PDE4D: variants seen among roughly 807,000 people sequenced by gnomAD.
PDE4D encodes phosphodiesterase 4D.
In PDE4D, 24 loss-of-function variants were observed where a neutral mutation model predicts 87.4. That is an observed-to-expected ratio of 0.27 (90% CI 0.20 to 0.39). The LOEUF is 0.39. Among genes scored for constraint, PDE4D ranks in the 10% least tolerant of loss-of-function variants. PDE4D has a pLI of 1.00. For synonymous variants in PDE4D, 384 were observed against 383.2 expected (o/e 1.00, Z -0.02); for missense variants, 714 against 1,041.0 (o/e 0.69, Z 4.32).
At chr5:59,787,812 C>A (rs770773025) in intron 1 of PDE4D, among the ~76,000 whole-genome samples, 1 of 152,146 alleles carries the variant, frequency 6.6e-6, no homozygotes, top group Non-Finnish European at 1.5e-5. Context: ...CTCACTACAA[C>A]GACCTTAGAG....
intron 1 of PDE4D, among the ~76,000 whole-genome samples, chr5:60,432,557 T>G (rs574518765): frequency 8.1e-4 from 123 of 152,164 alleles, no homozygotes; most frequent in Non-Finnish European, 1.6e-3. Flanking sequence ...ATGATATTCT[T>G]TACAGAACTA....
intron 1 of PDE4D, among the ~76,000 whole-genome samples, chr5:59,642,920 A>G (rs962306309): frequency 6.6e-6 from 1 of 152,198 alleles, no homozygotes. Flanking sequence ...ATAACAAAAA[A>G]TTACTTAAAT....
chr5:59,050,192 G>A (rs1281773932), intron 5 of PDE4D, among the ~76,000 whole-genome samples: 16 of 152,076 alleles, frequency 1.1e-4, no homozygotes, highest in African/African-American at 2.9e-4. Flanking sequence ...ACTTGAACCC[G>A]GGAGGCGGAG....
intron 5 of PDE4D, among the ~76,000 whole-genome samples, chr5:59,105,210 G>T (rs1771399377): frequency 6.6e-6 from 1 of 152,280 alleles, no homozygotes; most frequent in African/African-American, 2.4e-5. Flanking sequence ...GAACTGCTGG[G>T]TCTATTATGA....
chr5:59,044,491 T>C (rs1383153847), intron 5 of PDE4D, among the ~76,000 whole-genome samples: 1 of 152,234 alleles, frequency 6.6e-6, no homozygotes, highest in Non-Finnish European at 1.5e-5. Flanking sequence ...GAAAAAATGA[T>C]TTCTGTTTCA....
At chr5:59,459,262 A>G (rs913505398) in intron 1 of PDE4D, among the ~76,000 whole-genome samples, 1 of 152,192 alleles carries the variant, frequency 6.6e-6, no homozygotes, top group Non-Finnish European at 1.5e-5. Context: ...TTAATTTTTA[A>G]AAGTATTCAT....
intron 1 of PDE4D, among the ~76,000 whole-genome samples, chr5:60,502,061 A>T (rs1750105538): frequency 6.6e-6 from 1 of 151,836 alleles, no homozygotes; most frequent in African/African-American, 2.4e-5. Flanking sequence ...GGTGTTTTAG[A>T]CATGAAGTCC....
At chr5:60,464,162 G>A (rs554438574) in intron 1 of PDE4D, among the ~76,000 whole-genome samples, 3 of 152,216 alleles carry the variant, frequency 2.0e-5, no homozygotes, top group African/African-American at 4.8e-5. Flanking sequence ...TAATTTTTCT[G>A]TTTGTGAAAA....
intron 2 of PDE4D, among the ~76,000 whole-genome samples, chr5:60,067,218 C>G (rs1582480816): frequency 6.6e-6 from 1 of 152,006 alleles, no homozygotes; most frequent in African/African-American, 2.4e-5. Flanking sequence ...AATTTGTCCT[C>G]TCCCCTAAAG....
chr5:59,738,375 C>A (rs187175250), intron 1 of PDE4D, among the ~76,000 whole-genome samples: 9 of 152,102 alleles, frequency 5.9e-5, no homozygotes, highest in Admixed American at 5.9e-4. Flanking sequence ...ATGAATAGGA[C>A]AGAGAAAAGT....
At chr5:60,503,321 C>G (rs1750182545) in intron 1 of PDE4D, among the ~76,000 whole-genome samples, 1 of 152,098 alleles carries the variant, frequency 6.6e-6, no homozygotes, top group East Asian at 1.9e-4. Context: ...GGATATTCTA[C>G]TCACTACAAG....
Position 60,069,620 on chromosome 5 carries a change from G to C in PDE4D, c.43-80903C>G, listed in dbSNP as rs547284315. On this transcript the variant is annotated intron_variant, in intron 2 of 16. Transcript: ENST00000502484. ...AACATATCTAGAGATCAGGAAATGT[G>C]ATGTCTCTAGCTTTATTCTTTTTTT... Among the ~76,000 whole-genome samples, 10 of 151,936 alleles carry C rather than the reference G, an allele frequency of 6.6e-5. No individual in the cohort carries two copies. In the South Asian group the frequency reaches 2.1e-3, roughly 32 times the overall value.
intron 1 of PDE4D, among the ~76,000 whole-genome samples, chr5:59,448,472 A>T (rs1311776815): frequency 6.6e-6 from 1 of 152,232 alleles, no homozygotes; most frequent in Admixed American, 6.5e-5. Flanking sequence ...TATTACTTCA[A>T]GTATCATTAT....
chr5:60,176,894 C>T (rs1300714517), intron 2 of PDE4D, among the ~76,000 whole-genome samples: 1 of 152,038 alleles, frequency 6.6e-6, no homozygotes, highest in Non-Finnish European at 1.5e-5. Flanking sequence ...GGCGTTTCTC[C>T]TGGCTTTCCT....
intron 2 of PDE4D, among the ~76,000 whole-genome samples, chr5:59,212,871 C>A (rs1750379333): frequency 6.6e-6 from 1 of 151,826 alleles, no homozygotes; most frequent in African/African-American, 2.4e-5. Context: ...GGTCAGTATT[C>A]TACTCACCTT....
intron 1 of PDE4D, among the ~76,000 whole-genome samples, chr5:59,658,823 C>CGT (rs141771220): frequency 0.021 from 3,164 of 150,466 alleles, 96 homozygotes; most frequent in African/African-American, 0.068. Flanking sequence ...TGTGAGTGTT[C>CGT]GTGTGTGTGT....
intron 1 of PDE4D, among the ~76,000 whole-genome samples, chr5:59,783,726 T>G (rs1764853110): frequency 6.6e-6 from 1 of 152,242 alleles, no homozygotes; most frequent in Non-Finnish European, 1.5e-5. Context: ...TTATCTGTGT[T>G]TAATTGATCC....
Position 59,467,411 on chromosome 5 carries a change from A to G in PDE4D, c.456-251443T>C, listed in dbSNP as rs902411888. Among the ~76,000 whole-genome samples the G allele has an allele frequency of 5.3e-5, 8 of 152,186 alleles. No individual in the cohort carries two copies. The South Asian group carries it at 1.2e-3, about 24-fold the overall frequency. On this transcript the variant is annotated intron_variant, in intron 1 of 14. Transcript: ENST00000340635. Reference sequence around the variant, plus strand: ...ACATTCTAGGACAGCAGGAAACTCAATGAGATAAGACTAGTAAATGGGAGA... The same window carrying G: ...ACATTCTAGGACAGCAGGAAACTCAGTGAGATAAGACTAGTAAATGGGAGA...
chr5:59,971,337 C>T (rs553135765), intron 3 of PDE4D, among the ~76,000 whole-genome samples: 1 of 118,884 alleles, frequency 8.4e-6, no homozygotes, highest in African/African-American at 2.8e-5. Context: ...TACACATGTA[C>T]CCTAAAACTT....
Sources: allele counts gnomAD v4.1 joint callset (sites outside exome capture counted in the v4.1 genomes callset), GRCh38; gene constraint gnomAD v4.1.1; transcripts MANE v1.5; gene names NCBI Gene and HGNC (gene_info 2026-07-23, HGNC 2026-07-21).